Variants in OSBPL9 observed in about 807,000 individuals in gnomAD.
The protein encoded by OSBPL9 is oxysterol binding protein like 9.
Under a neutral mutation model 106.6 loss-of-function variants are expected in OSBPL9, and 40 were observed. That is an observed-to-expected ratio of 0.38 (90% CI 0.29 to 0.49). The LOEUF (loss-of-function observed/expected upper bound fraction) is 0.49. OSBPL9 is among the 20% of genes least tolerant of loss of function. The probability of loss-of-function intolerance (pLI) is 0.97; values close to 1 mark genes in which losing one functional copy is unlikely to be tolerated. For missense variants in OSBPL9, 609 were observed against 887.2 expected (o/e 0.69, Z 3.98); for synonymous variants, 269 against 295.4 (o/e 0.91, Z 0.92).
chr1:51,752,451 A>G (rs995706854), intron 8 of OSBPL9: 3 of 450,294 alleles, frequency 6.7e-6, no homozygotes, highest in East Asian at 1.4e-4. Flanking sequence ...TCACTAGTCA[A>G]GTTTACACGA....
intron 4 of OSBPL9, among the ~76,000 whole-genome samples, chr1:51,736,333 G>A (rs1168768926): frequency 6.6e-6 from 1 of 152,048 alleles, no homozygotes; most frequent in African/African-American, 2.4e-5. Flanking sequence ...AGACAGCTTT[G>A]GCATATATAA....
At chr1:51,719,489 C>G (rs976230452) in intron 4 of OSBPL9, among the ~76,000 whole-genome samples, 1 of 151,460 alleles carries the variant, frequency 6.6e-6, no homozygotes, top group Admixed American at 6.6e-5. Context: ...AAACTAAATG[C>G]TGAGAGATTA....
At chr1:51,625,304 A>T (rs1347115435) in intron 1 of OSBPL9, among the ~76,000 whole-genome samples, 2 of 152,192 alleles carry the variant, frequency 1.3e-5, no homozygotes, top group African/African-American at 4.8e-5. Flanking sequence ...TTCTTTTTTT[A>T]AAATGTAATT....
chr1:51,729,736 C>A lies in OSBPL9; in HGVS notation c.318+15657C>A. On this transcript the variant is annotated intron_variant, in intron 4 of 23. Coordinates refer to ENST00000428468, the MANE Select transcript of OSBPL9 (RefSeq NM_024586.6). The surrounding 1 kb of genome is among the most constrained non-coding windows in gnomAD (Gnocchi z 5.1). The stretch of plus-strand genomic sequence containing the variant: ...TGACCCATGGCCAATCGCCAGGGGT[C>A]TCTTTGCCAGGAGCCGCCAGGGCCA... 1 of 1,019,504 alleles carries A rather than the reference C, an allele frequency of 9.8e-7. No homozygotes were observed. Among genetic ancestry groups the A allele is most frequent in the Non-Finnish European group, 1.3e-6 (1 of 792,690 alleles). The allele number at this position is 1,019,504 out of a possible 1,614,324, so 63.2% of individuals were successfully genotyped here.
upstream of OSBPL9, chr1:51,614,198 C>T (rs1470906541): frequency 6.6e-6 from 1 of 152,224 alleles, no homozygotes; most frequent in Non-Finnish European, 1.5e-5. Context: ...ACAGGATGCT[C>T]ATTTTTTTGG....
chr1:51,527,567 T>C, the OSBPL9 span, among the ~76,000 whole-genome samples: 1 of 152,012 alleles, frequency 6.6e-6, no homozygotes, highest in Non-Finnish European at 1.5e-5. Flanking sequence ...ATAATGTTTT[T>C]ATTTTTTATA....
At position 51,768,095 on chromosome 1, in the gene OSBPL9, C is replaced by T. The variant is rs372595944; in HGVS notation, c.938+2114C>T. 9.9e-4 allele frequency among the ~76,000 whole-genome samples: 150 copies of T among 151,916 alleles called. 1 individual carries two copies. In the East Asian group the frequency reaches 0.026, roughly 26 times the overall value. On this transcript the variant is annotated intron_variant, in intron 12 of 23. Coordinates refer to ENST00000428468, the MANE Select transcript of OSBPL9 (RefSeq NM_024586.6). ...TAGCTGGGACTACAGGCGCCCGCCA[C>T]CACGCCTGGCTAGTTTTTTGTATTT...
At chr1:51,609,505 G>T (rs941352832) in intron 2 of OSBPL9, among the ~76,000 whole-genome samples, 1 of 149,234 alleles carries the variant, frequency 6.7e-6, no homozygotes, top group Non-Finnish European at 1.5e-5. Context: ...CACCATGCCT[G>T]GCTTTTTTTT....
At chr1:51,657,068 A>C (rs755780734) in intron 2 of OSBPL9, among the ~76,000 whole-genome samples, 1 of 152,224 alleles carries the variant, frequency 6.6e-6, no homozygotes, top group Non-Finnish European at 1.5e-5. Flanking sequence ...CTTGGATAAT[A>C]AGTTCCTATT....
chr1:51,678,406 ATT>A, intron 3 of OSBPL9, among the ~76,000 whole-genome samples: 1 of 152,142 alleles, frequency 6.6e-6, no homozygotes, highest in Admixed American at 6.5e-5. Context: ...CATGCCTGTA[ATT>A]TCAGCACTTT....
rs199892447 is a variant in OSBPL9 at position 51,738,464 on chromosome 1, GA to G, written c.319-7065del. On this transcript the variant is annotated intron_variant, in intron 4 of 23. Coordinates refer to ENST00000428468, the MANE Select transcript of OSBPL9 (RefSeq NM_024586.6). ...ATGTTCAAAAATTAGATTCTTTTAT[GA>G]AAAAAACTTTCTTTATATTGTTTGA... is the stretch of plus-strand genomic sequence containing the variant. 4.7e-3 allele frequency among the ~76,000 whole-genome samples: 715 copies of G among 151,894 alleles called. 2 individuals are homozygous for G. The highest frequency in any genetic ancestry group is 7.6e-3 in the Non-Finnish European group (515 of 67,806).
Position 51,633,493 on chromosome 1 carries a change from G to T in OSBPL9, c.111+16272G>T, listed in dbSNP as rs998460234. On this transcript the variant is annotated intron_variant, in intron 1 of 23. Transcript: ENST00000428468. ...TGGGTGGGGATGGGGGAATGGGTGC[G>T]AGGTAGAAGGATCAATGAGCCTGGG... Among the ~76,000 whole-genome samples, 4 of 151,712 alleles carry T rather than the reference G, an allele frequency of 2.6e-5. 1 individual carries two copies. Among genetic ancestry groups the T allele is most frequent in the Admixed American group, 2.6e-4 (4 of 15,222 alleles).
At chr1:51,766,014 A>G (rs200727965) in intron 12 of OSBPL9, 33 bp downstream of exon 12, 4 of 1,528,544 alleles carry the variant, frequency 2.6e-6, no homozygotes, top group Non-Finnish European at 3.5e-6. Context: ...TATTTAAATG[A>G]TTCTCCTGAT....
chr1:51,551,329 G>T, the OSBPL9 span, among the ~76,000 whole-genome samples: 1 of 151,900 alleles, frequency 6.6e-6, no homozygotes, highest in Non-Finnish European at 1.5e-5. Context: ...CTCTGTAGTG[G>T]GATCCAATTC....
At chr1:51,670,741 C>A (rs1371893209) in intron 3 of OSBPL9, among the ~76,000 whole-genome samples, 2 of 152,192 alleles carry the variant, frequency 1.3e-5, no homozygotes, top group Non-Finnish European at 2.9e-5. Context: ...TATTTAACTT[C>A]ATAAAACATT....
intron 1 of OSBPL9, among the ~76,000 whole-genome samples, chr1:51,587,466 C>A (rs1433481966): frequency 6.6e-6 from 1 of 152,248 alleles, no homozygotes; most frequent in Non-Finnish European, 1.5e-5. Context: ...CACTGTGTTA[C>A]TTGAACTGCA....
chr1:51,595,625 T>G (rs527883735), intron 1 of OSBPL9, among the ~76,000 whole-genome samples: 1 of 152,226 alleles, frequency 6.6e-6, no homozygotes, highest in Admixed American at 6.5e-5. Context: ...ACTTGTAAAT[T>G]CATGTCATTT....
intron 21 of OSBPL9, 138 bp downstream of exon 21, chr1:51,786,024 T>TC: frequency 1.4e-6 from 1 of 725,954 alleles, no homozygotes; most frequent in Non-Finnish European, 2.3e-6. Context: ...TTAGGACAGC[T>TC]CCAGTGTATG....
chr1:51,613,234 A>G (rs1182333085), upstream of OSBPL9, among the ~76,000 whole-genome samples: 6 of 152,210 alleles, frequency 3.9e-5, no homozygotes, highest in Non-Finnish European at 1.5e-5. Flanking sequence ...TTTTTAACTC[A>G]ATCTGAGTCA....
Sources: allele counts gnomAD v4.1 joint callset (sites outside exome capture counted in the v4.1 genomes callset), GRCh38; gene constraint gnomAD v4.1.1; non-coding constraint Gnocchi (gnomAD v3.1); transcripts MANE v1.5; gene names NCBI Gene and HGNC (gene_info 2026-07-23, HGNC 2026-07-21).